The following EXPH5 variants were observed in gnomAD, a reference collection of about 807,000 sequenced individuals.
EXPH5 encodes the protein exophilin 5, also known as exophilin-5.
A neutral mutation model predicts 41.1 loss-of-function variants in EXPH5; 42 were observed. That is an observed-to-expected ratio of 1.02 (90% CI 0.80 to 1.32). The LOEUF (loss-of-function observed/expected upper bound fraction) is 1.32. EXPH5 is among the 40% of genes most tolerant of loss of function. The pLI is 0.00. For missense variants in EXPH5, 2,298 were observed against 2,314.5 expected, an observed-to-expected ratio of 0.99 and a Z score of 0.15; for synonymous variants, 798 against 833.5, an observed-to-expected ratio of 0.96 and a Z score of 0.73.
chr11:108,584,351 A>G (rs1279105720), intron 1 of EXPH5, among the ~76,000 whole-genome samples: 1 of 152,100 alleles, frequency 6.6e-6, no homozygotes, highest in African/African-American at 2.4e-5. Context: ...GGCGTCACAC[A>G]GCTGTAATCC....
chr11:108,560,501 G>A (rs540227930), intron 1 of EXPH5, among the ~76,000 whole-genome samples: 5 of 152,296 alleles, frequency 3.3e-5, no homozygotes, highest in East Asian at 1.9e-4. Flanking sequence ...AGAATCACAC[G>A]CCAAAGGGCT....
chr11:108,512,992 C>T lies in EXPH5; in HGVS notation c.2515G>A (p.Asp839Asn). The T allele has an allele frequency of 6.2e-7, 1 of 1,613,544 alleles. No homozygotes were observed. Among genetic ancestry groups the T allele is most frequent in the Non-Finnish European group, 8.5e-7 (1 of 1,179,712 alleles). Reference protein sequence around the residue: ...CHQELTVNNEDISRIITNNHW... With the variant: ...CHQELTVNNENISRIITNNHW... Reference sequence around the variant, plus strand: ...TTATTTGTAATAATTCTTGAAATATCTTCATTATTTACAGTTAATTCCTGG... The same window carrying T: ...TTATTTGTAATAATTCTTGAAATATTTTCATTATTTACAGTTAATTCCTGG... The change falls in exon 6 of 6, where the codon GAT (aspartate) becomes AAT (asparagine). Residue 839 changes from aspartate to asparagine, a missense_variant. Coordinates refer to ENST00000265843, the MANE Select transcript of EXPH5 (RefSeq NM_015065.3).
chr11:108,518,290 C>T lies in EXPH5; in HGVS notation c.576G>A (p.Glu192=). 1 of 1,613,762 alleles carries T rather than the reference C, an allele frequency of 6.2e-7. No homozygotes were observed. Among genetic ancestry groups the T allele is most frequent in the Non-Finnish European group, 8.5e-7 (1 of 1,179,694 alleles). ...FVPKPAVMRE[E]SGMPPPWDAS... is the part of the protein sequence containing the mutation. ...CATCCCACGGTGGAGGCATGCCACT[C>T]TCCTCCCTCATGACTGCTGGCTTTG... Residue 192 remains glutamate (E), a synonymous_variant, in exon 5 of 6, where the codon GAG becomes GAA. Transcript: ENST00000265843.
intron 5 of EXPH5, among the ~76,000 whole-genome samples, chr11:108,517,342 C>T (rs2093732919): frequency 6.6e-6 from 1 of 152,158 alleles, no homozygotes; most frequent in African/African-American, 2.4e-5. Context: ...CAAAGATTTT[C>T]CTCTGTTCTC....
At chr11:108,569,433 A>G (rs187911327) in intron 1 of EXPH5, among the ~76,000 whole-genome samples, 6 of 152,054 alleles carry the variant, frequency 3.9e-5, no homozygotes, top group Admixed American at 2.0e-4. Flanking sequence ...TCCGCCTCCT[A>G]GGTTCAAGCG....
In EXPH5 at chr11:108,568,184, G is replaced by C. The variant is rs905233005; in HGVS notation, c.119+25234C>G. 6.1e-5 allele frequency: 9 copies of C among 147,828 alleles called. 2 individuals are homozygous for C. Among genetic ancestry groups the C allele is most frequent in the African/African-American group, 2.0e-4 (8 of 39,216 alleles). 9.2% of individuals were successfully genotyped at this position (147,828 alleles called of 1,614,324 possible). ...AGTGTCTTACTTTTTTTGGGAGGGGGGGAGGGCGTCTCAATAATCAGTTGG... is the reference window on the plus strand; with the variant it reads ...AGTGTCTTACTTTTTTTGGGAGGGGCGGAGGGCGTCTCAATAATCAGTTGG... On this transcript the variant is annotated intron_variant, in intron 1 of 5. Transcript: ENST00000265843.
At chr11:108,561,235 A>T (rs2094010408) in intron 1 of EXPH5, among the ~76,000 whole-genome samples, 1 of 152,250 alleles carries the variant, frequency 6.6e-6, no homozygotes, top group Non-Finnish European at 1.5e-5. Flanking sequence ...TTATGGTTGT[A>T]GCCTATTATT....
At chr11:108,521,402 A>G (rs989368285) in intron 4 of EXPH5, among the ~76,000 whole-genome samples, 3 of 152,148 alleles carry the variant, frequency 2.0e-5, no homozygotes, top group Middle Eastern at 3.2e-3. Context: ...TCATTGACCT[A>G]TGGTTTTCAG....
intron 1 of EXPH5, among the ~76,000 whole-genome samples, chr11:108,572,000 A>C (rs1468864740): frequency 6.6e-6 from 1 of 151,870 alleles, no homozygotes; most frequent in Non-Finnish European, 1.5e-5. Context: ...CAGTTAGCCG[A>C]GATAGCACCA....
At chr11:108,602,591 G>T in the EXPH5 span, among the ~76,000 whole-genome samples, 1 of 150,494 alleles carries the variant, frequency 6.6e-6, no homozygotes, top group African/African-American at 2.4e-5. Context: ...CTGTTTTCCA[G>T]GCTGGAGTAC....
At chr11:108,535,445 T>C (rs1205951408) in intron 3 of EXPH5, among the ~76,000 whole-genome samples, 2 of 152,150 alleles carry the variant, frequency 1.3e-5, no homozygotes, top group Non-Finnish European at 2.9e-5. Context: ...GGAGCTTGCT[T>C]TCTCTGACTT....
chr11:108,587,744 T>A (rs993923750), intron 1 of EXPH5, among the ~76,000 whole-genome samples: 23 of 152,224 alleles, frequency 1.5e-4, no homozygotes, highest in Admixed American at 1.5e-3. Context: ...GAAACAGTTT[T>A]ATTTATTTAT....
At chr11:108,576,525 G>A (rs1436259861) in intron 1 of EXPH5, among the ~76,000 whole-genome samples, 2 of 152,068 alleles carry the variant, frequency 1.3e-5, no homozygotes, top group African/African-American at 4.8e-5. Context: ...TAGCTTTAAA[G>A]TGGATAGTTT....
intron 1 of EXPH5, among the ~76,000 whole-genome samples, chr11:108,561,610 C>A (rs1005715974): frequency 6.6e-6 from 1 of 152,252 alleles, no homozygotes; most frequent in Admixed American, 6.5e-5. Flanking sequence ...GCATTCCTAC[C>A]CTAATCACCC....
rs562773464 is a variant in EXPH5 at position 108,537,410 on chromosome 11, C to T, written c.443+1614G>A. Among the ~76,000 whole-genome samples the T allele has an allele frequency of 3.3e-4, 50 of 152,036 alleles. 1 individual carries two copies. Among genetic ancestry groups the T allele is most frequent in the Non-Finnish European group, 4.9e-4 (33 of 67,964 alleles). On this transcript the variant is annotated intron_variant, in intron 3 of 5. Coordinates refer to ENST00000265843, the MANE Select transcript of EXPH5 (RefSeq NM_015065.3). ...TCCCATTTATGTTTTGAAAGTAAAA[C>T]GTATTTGAAGATGACAAGTTCTGAA...
In EXPH5 at chr11:108,541,804, T is replaced by A. The variant is rs750110417; in HGVS notation, c.128A>T (p.Gln43Leu). Residue 43 changes from glutamine to leucine, a missense_variant, in exon 2 of 6, where the codon CAG (glutamine) becomes CTG (leucine). By Grantham distance (113) the Gln-to-Leu change is moderately radical. Coordinates refer to ENST00000265843, the MANE Select transcript of EXPH5 (RefSeq NM_015065.3). The stretch of plus-strand genomic sequence containing the variant: ...CCATCTGATATCCCTCTTTGTCTTC[T>A]GAAGTTTGCTGAAATAAAATAAAAC... The part of the protein sequence containing the change: ...RAEKDRISKL[Q>L]KTKRDIRWLQ... The A allele has an allele frequency of 6.3e-6, 10 of 1,587,520 alleles. No individual in the cohort carries two copies. In the African/African-American group the frequency reaches 1.2e-4, roughly 19 times the overall value.
chr11:108,588,872 TCCAC>T (rs2094120797), intron 1 of EXPH5, among the ~76,000 whole-genome samples: 1 of 152,156 alleles, frequency 6.6e-6, no homozygotes, highest in Non-Finnish European at 1.5e-5. Context: ...TGGGGACAAA[TCCAC>T]AGGAGTAACT....
At position 108,522,177 on chromosome 11, in the gene EXPH5, G is replaced by C. The variant is rs371805203; in HGVS notation, c.493-3804C>G. ...TTACACTCAACTGTAACTCTGCAAG[G>C]GTGAGGTTAGTGATTTTTTTTTTTT... On this transcript the variant is annotated intron_variant, in intron 4 of 5. Transcript: ENST00000265843. 3.2e-4 allele frequency among the ~76,000 whole-genome samples: 48 copies of C among 150,958 alleles called. 1 individual carries two copies. The East Asian group carries it at 6.0e-3, about 19-fold the overall frequency.
intron 3 of EXPH5, among the ~76,000 whole-genome samples, chr11:108,533,332 T>A (rs1291362705): frequency 1.3e-5 from 2 of 152,034 alleles, no homozygotes; most frequent in Non-Finnish European, 2.9e-5. Context: ...GCCTCCCAAG[T>A]ATCAGGGATT....
Sources: gnomAD v4.1 joint callset for allele counts (sites outside exome capture counted in the v4.1 genomes callset) on GRCh38, gnomAD v4.1.1 for gene constraint, MANE v1.5 for transcripts, NCBI Gene and HGNC (gene_info 2026-07-23, HGNC 2026-07-21) for gene names.